CSMD3: variants seen among roughly 807,000 people sequenced by gnomAD.
CSMD3 encodes the protein CUB and Sushi multiple domains 3.
A neutral mutation model predicts 435.2 loss-of-function variants in CSMD3; 177 were observed. That is an observed-to-expected ratio of 0.41 (90% CI 0.36 to 0.46). The LOEUF (loss-of-function observed/expected upper bound fraction) is 0.46, where lower values mean the gene tolerates loss of function less well. Among genes scored for constraint, CSMD3 ranks in the 20% least tolerant of loss-of-function variants. The pLI is 0.34. For synonymous variants in CSMD3, 1,656 were observed against 1,520.5 expected, an observed-to-expected ratio of 1.09 and a Z score of -2.07; for missense variants, 4,265 against 4,504.6, an observed-to-expected ratio of 0.95 and a Z score of 1.52.
chr8:112,310,484 G>C (rs1821870766), intron 50 of CSMD3: 1 of 164,638 alleles, frequency 6.1e-6, no homozygotes, highest in Non-Finnish European at 1.3e-5. Context: ...ACATATCTTT[G>C]ATATCTCTGT....
At chr8:112,412,109 G>T (rs915787705) in intron 32 of CSMD3, among the ~76,000 whole-genome samples, 3 of 151,898 alleles carry the variant, frequency 2.0e-5, no homozygotes, top group African/African-American at 7.3e-5. Flanking sequence ...TTGGTTATTT[G>T]AATTCTCCTT....
chr8:113,241,779 A>G (rs2132247884), intron 3 of CSMD3, among the ~76,000 whole-genome samples: 1 of 151,992 alleles, frequency 6.6e-6, no homozygotes, highest in Non-Finnish European at 1.5e-5. Context: ...AGAAAAATAA[A>G]ATTTGAGTGG....
chr8:112,350,906 C>A (rs28507892), intron 40 of CSMD3, among the ~76,000 whole-genome samples: 5,071 of 151,872 alleles, frequency 0.033, 105 homozygotes, highest in Non-Finnish European at 0.043. Flanking sequence ...TTTTTTAAGT[C>A]TTTTCTTAAT....
intron 13 of CSMD3, among the ~76,000 whole-genome samples, chr8:112,725,156 T>C (rs1000277008): frequency 2.2e-4 from 34 of 151,970 alleles, no homozygotes; most frequent in African/African-American, 8.0e-4. Flanking sequence ...CAAAACAACT[T>C]TTTTTAACAA....
intron 31 of CSMD3, among the ~76,000 whole-genome samples, chr8:112,485,806 G>C (rs1481361585): frequency 6.6e-6 from 1 of 151,986 alleles, no homozygotes; most frequent in African/African-American, 2.4e-5. Context: ...TTAAAAGCTT[G>C]TATCATTCCA....
chr8:113,229,065 A>G (rs1402941), intron 3 of CSMD3, among the ~76,000 whole-genome samples: 1 of 151,582 alleles, frequency 6.6e-6, no homozygotes, highest in African/African-American at 2.4e-5. Context: ...TTAGTCTTGC[A>G]TGGGGTATCT....
At chr8:113,409,079 C>CTTTTTTTTTTTTTTTTTTT (rs1218107775) in intron 1 of CSMD3, among the ~76,000 whole-genome samples, 1 of 99,068 alleles carries the variant, frequency 1.0e-5, no homozygotes, top group Non-Finnish European at 1.9e-5. Context: ...TCTTCTTCTT[C>CTTTTTTTTTTTTTTTTTTT]TTTTTTTTTT....
chr8:112,473,070 G>C (rs1423553355), intron 31 of CSMD3, among the ~76,000 whole-genome samples: 1 of 152,114 alleles, frequency 6.6e-6, no homozygotes, highest in Non-Finnish European at 1.5e-5. Flanking sequence ...TTGCTGGCAG[G>C]CTTTGGAATT....
intron 2 of CSMD3, among the ~76,000 whole-genome samples, chr8:113,307,535 T>C (rs1369117628): frequency 5.3e-5 from 8 of 152,118 alleles, no homozygotes; most frequent in Admixed American, 2.0e-4. Context: ...TTGGACTTTG[T>C]TAAAATTAGA....
At chr8:113,195,814 T>TATATACACAC (rs1344054794) in intron 3 of CSMD3, among the ~76,000 whole-genome samples, 128 of 133,430 alleles carry the variant, frequency 9.6e-4, no homozygotes, top group African/African-American at 3.5e-3. Context: ...TATATATATA[T>TATATACACAC]ACACACACAC....
At chr8:113,244,591 G>C (rs2093256095) in intron 3 of CSMD3, among the ~76,000 whole-genome samples, 1 of 152,148 alleles carries the variant, frequency 6.6e-6, no homozygotes, top group South Asian at 2.1e-4. Flanking sequence ...TGGGATTACA[G>C]GTGTGAGCCA....
At chr8:112,391,481 C>T (rs980327649) in intron 35 of CSMD3, among the ~76,000 whole-genome samples, 2 of 151,974 alleles carry the variant, frequency 1.3e-5, no homozygotes, top group African/African-American at 4.8e-5. Flanking sequence ...CTCACCAGGT[C>T]GGGAGTTCGA....
intron 13 of CSMD3, among the ~76,000 whole-genome samples, chr8:112,781,341 T>A (rs1017382155): frequency 4.0e-5 from 6 of 151,874 alleles, no homozygotes; most frequent in Non-Finnish European, 8.8e-5. Context: ...TCCTTCTACT[T>A]GAGGAAAAAA....
chr8:112,617,044 A>G (rs1833710875), intron 22 of CSMD3, among the ~76,000 whole-genome samples: 1 of 152,160 alleles, frequency 6.6e-6, no homozygotes, highest in South Asian at 2.1e-4. Flanking sequence ...GAATTGTGTC[A>G]GACTGAAGAT....
chr8:113,080,105 C>A (rs941599425), intron 5 of CSMD3, among the ~76,000 whole-genome samples: 1 of 151,912 alleles, frequency 6.6e-6, no homozygotes, highest in Admixed American at 6.6e-5. Flanking sequence ...TTTATTTAGC[C>A]GTTAACATGT....
intron 38 of CSMD3, among the ~76,000 whole-genome samples, chr8:112,354,351 A>G (rs1826399322): frequency 1.3e-5 from 2 of 152,220 alleles, no homozygotes; most frequent in Admixed American, 6.5e-5. Flanking sequence ...AGCCAGAGCA[A>G]TCAGGCAATA....
At chr8:112,862,889 G>A (rs974042338) in intron 10 of CSMD3, among the ~76,000 whole-genome samples, 3 of 152,184 alleles carry the variant, frequency 2.0e-5, no homozygotes, top group Admixed American at 6.5e-5. Context: ...TCCCCAGGCT[G>A]TCGCCAAAAT....
At position 113,043,030 on chromosome 8, in the gene CSMD3, AT is replaced by A. The variant is rs2087686193; in HGVS notation, c.918-23852del. 3.3e-5 allele frequency among the ~76,000 whole-genome samples: 5 copies of A among 152,326 alleles called. 1 individual carries two copies. The South Asian group carries it at 1.0e-3, about 32-fold the overall frequency. ...AACATATATAAACAAAATTATTATA[AT>A]AGCATCCTAACTAGTTTCGTGTCTC... On this transcript the variant is annotated intron_variant, in intron 5 of 70. Transcript: ENST00000297405.
intron 22 of CSMD3, among the ~76,000 whole-genome samples, chr8:112,597,638 A>G (rs1299998042): frequency 2.2e-4 from 27 of 120,118 alleles, no homozygotes; most frequent in African/African-American, 8.8e-4. Context: ...GGCAAACCGA[A>G]TCCAGTAGCA....
Sources: gnomAD v4.1 joint callset for allele counts (sites outside exome capture counted in the v4.1 genomes callset) on GRCh38, gnomAD v4.1.1 for gene constraint, MANE v1.5 for transcripts, NCBI Gene and HGNC (gene_info 2026-07-23, HGNC 2026-07-21) for gene names.